Variants in MARCHF3 observed in about 807,000 individuals in gnomAD.
The protein encoded by MARCHF3 is membrane associated ring-CH-type finger 3, also known as E3 ubiquitin-protein ligase MARCHF3.
A neutral mutation model predicts 24.2 loss-of-function variants in MARCHF3; 13 were observed. That is an observed-to-expected ratio of 0.54 (90% CI 0.35 to 0.85). The LOEUF is 0.85. Ranked by LOEUF, MARCHF3 falls within the 40% of genes least tolerant of loss-of-function variation. The pLI is 0.01. For synonymous variants in MARCHF3, 144 were observed against 137.3 expected, an observed-to-expected ratio of 1.05 and a Z score of -0.34; for missense variants, 276 against 325.0, an observed-to-expected ratio of 0.85 and a Z score of 1.16.
intron 1 of MARCHF3, among the ~76,000 whole-genome samples, chr5:126,929,833 A>T (rs561442957): frequency 6.6e-6 from 1 of 152,282 alleles, no homozygotes; most frequent in Non-Finnish European, 1.5e-5. Context: ...TTCTTGTGAT[A>T]GTGAATAAGT....
chr5:127,009,619 A>G (rs1264242178), intron 1 of MARCHF3, among the ~76,000 whole-genome samples: 4 of 152,168 alleles, frequency 2.6e-5, no homozygotes, highest in African/African-American at 9.7e-5. Context: ...TTCCTGTTAC[A>G]TGTTTGCATA....
intron 1 of MARCHF3, among the ~76,000 whole-genome samples, chr5:127,014,850 A>G (rs549292903): frequency 3.2e-4 from 49 of 152,344 alleles, no homozygotes; most frequent in Admixed American, 2.4e-3. Context: ...TAAAGGATAT[A>G]AAATTCCAGC....
chr5:126,898,974 AC>A, intron 3 of MARCHF3: 1 of 985,290 alleles, frequency 1.0e-6, no homozygotes, highest in Non-Finnish European at 1.2e-6. Flanking sequence ...TAGTATCCAA[AC>A]TAAAAGCTTC....
At chr5:127,007,878 A>T (rs1752357893) in intron 1 of MARCHF3, among the ~76,000 whole-genome samples, 1 of 152,200 alleles carries the variant, frequency 6.6e-6, no homozygotes, top group Non-Finnish European at 1.5e-5. Flanking sequence ...GTTAATACAT[A>T]TAAATATATG....
At chr5:126,989,367 A>C (rs1326632675) in intron 1 of MARCHF3, among the ~76,000 whole-genome samples, 1 of 151,880 alleles carries the variant, frequency 6.6e-6, no homozygotes, top group Non-Finnish European at 1.5e-5. Context: ...AGGACTAAAG[A>C]GAACCATTTC....
chr5:126,939,582 A>G lies in MARCHF3; in HGVS notation c.-56-21355T>C, dbSNP rs186953278. ...AGAACTTTGTAAATGTTTAGTTGTA[A>G]TCTTAACACCAGAGATTCATCAGGA... is the stretch of plus-strand genomic sequence containing the variant. On this transcript the variant is annotated intron_variant, in intron 1 of 4. Transcript: ENST00000308660. Among the ~76,000 whole-genome samples the G allele has an allele frequency of 2.1e-3, 319 of 152,344 alleles. 1 individual carries two copies. Among genetic ancestry groups the G allele is most frequent in the African/African-American group, 7.1e-3 (297 of 41,568 alleles).
intron 1 of MARCHF3, among the ~76,000 whole-genome samples, chr5:127,014,247 A>C (rs1752559933): frequency 6.6e-6 from 1 of 152,198 alleles, no homozygotes; most frequent in Non-Finnish European, 1.5e-5. Context: ...AGGTATATGG[A>C]AAAATGCTCA....
At chr5:126,983,052 G>C (rs1489983496) in intron 1 of MARCHF3, among the ~76,000 whole-genome samples, 1 of 152,176 alleles carries the variant, frequency 6.6e-6, no homozygotes, top group Non-Finnish European at 1.5e-5. Flanking sequence ...GTGGCGCATG[G>C]AGGGAGTAGG....
intron 1 of MARCHF3, among the ~76,000 whole-genome samples, chr5:126,974,465 TG>T (rs2126831673): frequency 6.6e-6 from 1 of 152,348 alleles, no homozygotes; most frequent in African/African-American, 2.4e-5. Context: ...TTTTCACTGT[TG>T]CTCTCTGGGT....
In MARCHF3 at chr5:126,893,427, A is replaced by G. The variant is rs571893026; in HGVS notation, c.394-15033T>C. Among the ~76,000 whole-genome samples the G allele has an allele frequency of 2.4e-3, 362 of 151,710 alleles. 3 individuals are homozygous for G. Among genetic ancestry groups the G allele is most frequent in the African/African-American group, 8.0e-3 (329 of 41,354 alleles). On this transcript the variant is annotated intron_variant, in intron 3 of 4. Coordinates refer to ENST00000308660, the MANE Select transcript of MARCHF3 (RefSeq NM_178450.5). Reference sequence around the variant, plus strand: ...TTCCTGCTTTCTCTTGTGGGCATTTAGTGCTATAAATTTCCCTCTACACAC... The same window carrying G: ...TTCCTGCTTTCTCTTGTGGGCATTTGGTGCTATAAATTTCCCTCTACACAC...
chr5:126,997,607 G>A (rs1260655241), intron 1 of MARCHF3, among the ~76,000 whole-genome samples: 2 of 152,166 alleles, frequency 1.3e-5, no homozygotes, highest in African/African-American at 2.4e-5. Context: ...AGGCCAGTCT[G>A]TCCTGTAGAT....
intron 1 of MARCHF3, among the ~76,000 whole-genome samples, chr5:126,929,377 T>C (rs1190573341): frequency 6.6e-6 from 1 of 152,244 alleles, no homozygotes; most frequent in Non-Finnish European, 1.5e-5. Flanking sequence ...GTCCCACTTT[T>C]AGTGGGCTCA....
At chr5:126,952,956 T>C (rs962163277) in intron 1 of MARCHF3, among the ~76,000 whole-genome samples, 1 of 152,212 alleles carries the variant, frequency 6.6e-6, no homozygotes, top group African/African-American at 2.4e-5. Flanking sequence ...TATTATTTGC[T>C]TCAGAACCAA....
intron 1 of MARCHF3, among the ~76,000 whole-genome samples, chr5:127,013,805 AAC>A (rs1752546278): frequency 6.6e-6 from 1 of 152,122 alleles, no homozygotes; most frequent in Non-Finnish European, 1.5e-5. Context: ...TTGGGGAAAA[AAC>A]AGTTTCTTCA....
intron 1 of MARCHF3, among the ~76,000 whole-genome samples, chr5:126,943,588 A>C (rs957369986): frequency 2.0e-5 from 3 of 151,846 alleles, no homozygotes; most frequent in African/African-American, 7.3e-5. Flanking sequence ...ATCTCCAAAA[A>C]AAAAAAAACC....
chr5:126,987,514 C>G (rs188529418), intron 1 of MARCHF3, among the ~76,000 whole-genome samples: 3 of 152,192 alleles, frequency 2.0e-5, no homozygotes, highest in African/African-American at 7.2e-5. Context: ...TCCCAGCCCC[C>G]ACGACTGCGT....
chr5:126,963,687 T>C (rs1749175138), intron 1 of MARCHF3, among the ~76,000 whole-genome samples: 1 of 152,094 alleles, frequency 6.6e-6, no homozygotes, highest in African/African-American at 2.4e-5. Flanking sequence ...TAAGAAAAAA[T>C]CTGGTGGGTT....
chr5:126,898,125 A>G (rs891262953), intron 3 of MARCHF3, among the ~76,000 whole-genome samples: 1 of 152,064 alleles, frequency 6.6e-6, no homozygotes, highest in Admixed American at 6.6e-5. Flanking sequence ...TCTAAAATCA[A>G]CTGTGGTGAT....
At chr5:126,934,061 T>C (rs1363506712) in intron 1 of MARCHF3, among the ~76,000 whole-genome samples, 1 of 152,000 alleles carries the variant, frequency 6.6e-6, no homozygotes, top group Non-Finnish European at 1.5e-5. Context: ...CATACGCGAT[T>C]TCTTTACATG....
Sources: allele counts gnomAD v4.1 joint callset (sites outside exome capture counted in the v4.1 genomes callset), GRCh38; gene constraint gnomAD v4.1.1; transcripts MANE v1.5; gene names NCBI Gene and HGNC (gene_info 2026-07-23, HGNC 2026-07-21).